DENND1B: variants seen among roughly 807,000 people sequenced by gnomAD.
The protein encoded by DENND1B is DENN domain containing 1B.
Under a neutral mutation model 90.1 loss-of-function variants are expected in DENND1B, and 59 were observed. That is an observed-to-expected ratio of 0.65 (90% confidence interval 0.53 to 0.81). The LOEUF (loss-of-function observed/expected upper bound fraction) is 0.81. DENND1B is among the 40% of genes least tolerant of loss of function. DENND1B has a pLI of 0.00. For synonymous variants in DENND1B, 337 were observed against 324.6 expected (o/e 1.04, Z -0.41); for missense variants, 862 against 912.6 (o/e 0.94, Z 0.71).
At chr1:197,720,183 T>C (rs1237501991) in intron 2 of DENND1B, among the ~76,000 whole-genome samples, 1 of 152,208 alleles carries the variant, frequency 6.6e-6, no homozygotes, top group East Asian at 1.9e-4. Context: ...ATTTAATAAT[T>C]ATGGTTAAAA....
At chr1:197,680,729 C>T (rs1436114687) in intron 3 of DENND1B, among the ~76,000 whole-genome samples, 1 of 152,064 alleles carries the variant, frequency 6.6e-6, no homozygotes, top group Non-Finnish European at 1.5e-5. Context: ...CACAAGCACA[C>T]ACACATTAGG....
At chr1:197,555,358 T>C (rs111940066) in intron 15 of DENND1B, among the ~76,000 whole-genome samples, 2 of 151,744 alleles carry the variant, frequency 1.3e-5, no homozygotes, top group Non-Finnish European at 2.9e-5. Flanking sequence ...AAATTGAAAA[T>C]TGGGGCCCAA....
intron 15 of DENND1B, among the ~76,000 whole-genome samples, chr1:197,570,357 T>C (rs1236539280): frequency 4.6e-5 from 7 of 152,118 alleles, no homozygotes; most frequent in African/African-American, 1.7e-4. Flanking sequence ...CAAAACTACA[T>C]GGGATTTATT....
At chr1:197,562,043 A>G (rs929798106) in intron 15 of DENND1B, among the ~76,000 whole-genome samples, 3 of 151,892 alleles carry the variant, frequency 2.0e-5, no homozygotes, top group African/African-American at 4.8e-5. Context: ...TACATTGACT[A>G]TATTATTTTA....
chr1:197,723,499 T>C (rs189163207), intron 2 of DENND1B, among the ~76,000 whole-genome samples: 229 of 152,316 alleles, frequency 1.5e-3, no homozygotes, highest in Non-Finnish European at 2.8e-3. Context: ...TGTTCAATCT[T>C]GATTAATCTA....
chr1:197,615,461 A>G (rs996432511), intron 11 of DENND1B, among the ~76,000 whole-genome samples: 5 of 151,090 alleles, frequency 3.3e-5, no homozygotes, highest in Admixed American at 1.3e-4. Flanking sequence ...GAAAGTTCCA[A>G]TCGTGCCAAA....
At chr1:197,688,714 A>C (rs571621925) in intron 3 of DENND1B, 32 of 152,602 alleles carry the variant, frequency 2.1e-4, no homozygotes, top group African/African-American at 7.5e-4. Context: ...AGGGTTTGCC[A>C]CCAGAATACA....
chr1:197,766,107 A>AT (rs1655664851), intron 2 of DENND1B, among the ~76,000 whole-genome samples: 1 of 152,076 alleles, frequency 6.6e-6, no homozygotes, highest in African/African-American at 2.4e-5. Flanking sequence ...ATTTTATTTT[A>AT]TTTTTTAATA....
chr1:197,553,230 C>G, intron 15 of DENND1B, 118 bp from the exon 16 acceptor site: 1 of 779,814 alleles, frequency 1.3e-6, no homozygotes, highest in Admixed American at 3.7e-5. Context: ...ATAACAGACT[C>G]TTGTATAAAT....
chr1:197,648,314 T>C lies in DENND1B; in HGVS notation c.448-1200A>G, dbSNP rs1331187485. ...GGATCATCTAAAGAGATTAACTTTC[T>C]TGACTAACATTACACACTTAGTGAC... On this transcript the variant is annotated intron_variant, in intron 7 of 22. Coordinates refer to ENST00000620048, the MANE Select transcript of DENND1B (RefSeq NM_001195215.2). 2.0e-5 allele frequency among the ~76,000 whole-genome samples: 3 copies of C among 152,214 alleles called. No individual in the cohort carries two copies. In the East Asian group the frequency reaches 5.8e-4, roughly 29 times the overall value.
chr1:197,707,518 T>C (rs1425309600), intron 3 of DENND1B, among the ~76,000 whole-genome samples: 1 of 150,340 alleles, frequency 6.7e-6, no homozygotes, highest in Non-Finnish European at 1.5e-5. Context: ...TGTATCAAAA[T>C]ATCACATATA....
At chr1:197,639,708 G>A (rs1406100000) in intron 10 of DENND1B, among the ~76,000 whole-genome samples, 29 of 151,936 alleles carry the variant, frequency 1.9e-4, no homozygotes, top group Non-Finnish European at 4.4e-5. Flanking sequence ...AGTATAAAAA[G>A]CTTAAAAACA....
At chr1:197,768,172 C>T (rs1195188883) in intron 2 of DENND1B, among the ~76,000 whole-genome samples, 1 of 151,290 alleles carries the variant, frequency 6.6e-6, no homozygotes, top group South Asian at 2.1e-4. Context: ...TCCTCTTCGT[C>T]GTCCTCCTCC....
intron 16 of DENND1B, chr1:197,552,365 G>A (rs1301597890): frequency 5.1e-6 from 5 of 985,424 alleles, no homozygotes; most frequent in Non-Finnish European, 4.8e-6. Flanking sequence ...AAGGACTCAA[G>A]CAAAATGCTC....
chr1:197,699,395 T>C (rs540587782), intron 3 of DENND1B, among the ~76,000 whole-genome samples: 1 of 152,246 alleles, frequency 6.6e-6, no homozygotes, highest in East Asian at 1.9e-4. Context: ...AAAATAAATA[T>C]TGATGAAACA....
At chr1:197,511,067 G>C (rs1171945675) in intron 22 of DENND1B, 95 bp from the exon 23 acceptor site, 1 of 1,222,954 alleles carries the variant, frequency 8.2e-7, no homozygotes, top group Non-Finnish European at 1.1e-6. Flanking sequence ...ATAGCGTTAA[G>C]TTCCTCCCAG....
intron 3 of DENND1B, among the ~76,000 whole-genome samples, chr1:197,702,664 T>C (rs893320245): frequency 2.6e-5 from 4 of 152,190 alleles, no homozygotes; most frequent in African/African-American, 4.8e-5. Context: ...CAAAAGGCAA[T>C]TGAGTTATGT....
chr1:197,540,943 A>G lies in DENND1B; in HGVS notation c.1407+16T>C. 1 of 1,602,944 alleles carries G rather than the reference A, an allele frequency of 6.2e-7. No homozygotes were observed. Among genetic ancestry groups the G allele is most frequent in the Non-Finnish European group, 8.5e-7 (1 of 1,175,452 alleles). ...CAAGAATCAAGGTAAAATGGAAAAA[A>G]ATGAATATGACATACCTTGTGTTTT... is the stretch of plus-strand genomic sequence containing the variant. On this transcript the variant is annotated intron_variant, in intron 19 of 22. Coordinates refer to ENST00000620048, the MANE Select transcript of DENND1B (RefSeq NM_001195215.2).
chr1:197,510,293 A>T lies in DENND1B; in HGVS notation c.*167T>A. On this transcript the variant is annotated 3_prime_UTR_variant, in exon 23 of 23. Transcript: ENST00000620048. ...GCACAGTAGAATTCGCTTTATATTT[A>T]AAAATCAATGCATTTCATATATCCT... 1.3e-6 allele frequency: 1 copy of T among 760,538 alleles called. No homozygotes were observed. Among genetic ancestry groups the T allele is most frequent in the Non-Finnish European group, 2.0e-6 (1 of 495,852 alleles). The allele number at this position is 760,538 out of a possible 1,614,324, so 47.1% of individuals were successfully genotyped here.
Sources: gnomAD v4.1 joint callset for allele counts (sites outside exome capture counted in the v4.1 genomes callset) on GRCh38, gnomAD v4.1.1 for gene constraint, MANE v1.5 for transcripts, NCBI Gene and HGNC (gene_info 2026-07-23, HGNC 2026-07-21) for gene names.